The following TCERG1L variants were observed in gnomAD, a reference collection of about 807,000 sequenced individuals.
The protein encoded by TCERG1L is transcription elongation regulator 1 like, also known as transcription elongation regulator 1-like protein.
In TCERG1L, 37 loss-of-function variants were observed where a neutral mutation model predicts 56.3. The ratio of observed to expected loss-of-function variants is 0.66; its 90% CI spans 0.51 to 0.87. The LOEUF is 0.87. TCERG1L is among the 40% of genes least tolerant of loss of function. The pLI, the probability that TCERG1L is intolerant of heterozygous loss-of-function variation, is 0.00. For synonymous variants in TCERG1L, 324 were observed against 326.3 expected (o/e 0.99, Z 0.08); for missense variants, 799 against 774.2 (o/e 1.03, Z -0.38).
rs555282217 is a variant in TCERG1L at position 131,202,513 on chromosome 10, G to A, written c.857-35628C>T. 1.6e-3 allele frequency among the ~76,000 whole-genome samples: 245 copies of A among 152,208 alleles called. 1 individual carries two copies. Among genetic ancestry groups the A allele is most frequent in the African/African-American group, 5.4e-3 (224 of 41,542 alleles). On this transcript the variant is annotated intron_variant, in intron 4 of 11. Transcript: ENST00000368642. ...GGAGAATCCCTTGAACCTGGGAGGC[G>A]GAGGTTGCAGTAAGACAAGATCATG...
At chr10:131,237,953 C>G (rs1845930795) in intron 4 of TCERG1L, among the ~76,000 whole-genome samples, 1 of 152,240 alleles carries the variant, frequency 6.6e-6, no homozygotes. Flanking sequence ...TTTAAACAAC[C>G]TTTCTGCCTG....
At chr10:131,184,556 G>A (rs967669065) in intron 4 of TCERG1L, among the ~76,000 whole-genome samples, 5 of 152,188 alleles carry the variant, frequency 3.3e-5, no homozygotes, top group African/African-American at 9.6e-5. Context: ...AGTCAGCGAG[G>A]GATCCCACTA....
intron 3 of TCERG1L, among the ~76,000 whole-genome samples, chr10:131,261,771 T>G (rs1846239027): frequency 6.6e-6 from 1 of 152,116 alleles, no homozygotes; most frequent in African/African-American, 2.4e-5. Context: ...TCATTCTTCT[T>G]GTTGATTTTC....
rs568559735 is a variant in TCERG1L at position 131,204,255 on chromosome 10, C to A, written c.857-37370G>T. On this transcript the variant is annotated intron_variant, in intron 4 of 11. Coordinates refer to ENST00000368642, the MANE Select transcript of TCERG1L (RefSeq NM_174937.4). ...GTCCTGGACTTTCCATTCTCCAGAC[C>A]TGTAAGAAAAGCATTTCTCATCTCT... Among the ~76,000 whole-genome samples the A allele has an allele frequency of 2.6e-5, 4 of 152,342 alleles. No homozygotes were observed. In the East Asian group the frequency reaches 7.7e-4, roughly 29 times the overall value.
chr10:131,279,606 G>A (rs1467063099), intron 3 of TCERG1L, among the ~76,000 whole-genome samples: 2 of 152,178 alleles, frequency 1.3e-5, no homozygotes, highest in Admixed American at 6.5e-5. Context: ...AGAAGACCAT[G>A]GGCCATGCTG....
At chr10:131,169,358 C>A (rs1235268618) in intron 4 of TCERG1L, among the ~76,000 whole-genome samples, 1 of 152,144 alleles carries the variant, frequency 6.6e-6, no homozygotes, top group Non-Finnish European at 1.5e-5. Flanking sequence ...CCAGAAGCAG[C>A]CCCCTGACTG....
Position 131,146,638 on chromosome 10 carries a change from C to A in TCERG1L, c.1057G>T (p.Asp353Tyr). The change falls in exon 7 of 12, where the codon GAC becomes TAC. Residue 353 changes from aspartate (D) to tyrosine (Y), a missense_variant. By Grantham distance (160) the Asp-to-Tyr change is radical. Transcript: ENST00000368642. Reference protein sequence around the residue: ...SPWCVVWTGDDRVFFFNPTMH... With the variant: ...SPWCVVWTGDYRVFFFNPTMH... ...GTTGGGTTGAAGAAGAAAACTCGGTCATCGCCCGTCCAGACCACACACCTG... is the reference window on the plus strand; with the variant it reads ...GTTGGGTTGAAGAAGAAAACTCGGTAATCGCCCGTCCAGACCACACACCTG... 6.2e-7 allele frequency: 1 copy of A among 1,613,678 alleles called. No individual in the cohort carries two copies. The highest frequency in any genetic ancestry group is 1.1e-5 in the South Asian group (1 of 91,000).
At chr10:131,165,081 G>C (rs2133433809) in intron 5 of TCERG1L, among the ~76,000 whole-genome samples, 1 of 152,350 alleles carries the variant, frequency 6.6e-6, no homozygotes, top group Middle Eastern at 3.4e-3. Context: ...TCGCGTGTCT[G>C]TAAGAGACAA....
At chr10:131,279,985 G>A (rs922103219) in intron 3 of TCERG1L, among the ~76,000 whole-genome samples, 12 of 152,116 alleles carry the variant, frequency 7.9e-5, no homozygotes, top group Non-Finnish European at 1.3e-4. Context: ...ACACCCTTTC[G>A]TGAGCCCCGA....
At chr10:131,261,265 G>A (rs571867797) in intron 3 of TCERG1L, among the ~76,000 whole-genome samples, 1 of 152,354 alleles carries the variant, frequency 6.6e-6, no homozygotes, top group East Asian at 1.9e-4. Context: ...TATCTAAGAA[G>A]TATTTTGTAG....
In TCERG1L at chr10:131,308,315, T is replaced by C. The variant is rs777213874; in HGVS notation, c.566A>G (p.Glu189Gly). 6.8e-6 allele frequency: 11 copies of C among 1,613,986 alleles called. No homozygotes were observed. In the South Asian group the frequency reaches 1.1e-4, roughly 16 times the overall value. The change falls in exon 3 of 12, where the codon GAA becomes GGA. Residue 189 changes from glutamate (E) to glycine (G), a missense_variant. By Grantham distance (98) the Glu-to-Gly change is moderately conservative. Transcript: ENST00000368642. ...TTGATTTGCCAGCAAACGAGGCTTT[T>C]CATGCCCATGGAAAAACCTTGACTC... ...PEESRFFHGH[E>G]KPRLLANQVA...
rs1057451879 is a variant in TCERG1L, at chr10:131,118,437, G to A, written c.1260-1503C>T. ...TCCCCAAGCTCCACTGAACTTCTCA[G>A]TAGGCCTAGGATTCTGAACTTCATG... On this transcript the variant is annotated intron_variant, in intron 8 of 11. Coordinates refer to ENST00000368642, the MANE Select transcript of TCERG1L (RefSeq NM_174937.4). This position sits in a 1 kb window ranked among gnomAD's most constrained non-coding sequence, Gnocchi z 4.2. 1.3e-5 allele frequency among the ~76,000 whole-genome samples: 2 copies of A among 152,122 alleles called. No individual in the cohort carries two copies. The highest frequency in any genetic ancestry group is 4.8e-5 in the African/African-American group (2 of 41,432).
At chr10:131,187,254 A>G (rs988153206) in intron 4 of TCERG1L, among the ~76,000 whole-genome samples, 5 of 152,244 alleles carry the variant, frequency 3.3e-5, no homozygotes, top group African/African-American at 1.2e-4. Context: ...CTCCTGGTGC[A>G]TGATGGTCTA....
chr10:131,272,778 C>T (rs1416609225), intron 3 of TCERG1L, among the ~76,000 whole-genome samples: 1 of 152,232 alleles, frequency 6.6e-6, no homozygotes, highest in Non-Finnish European at 1.5e-5. Context: ...GCTGCCCACC[C>T]TGCCGGGATG....
chr10:131,284,697 T>C (rs911995638), intron 3 of TCERG1L, among the ~76,000 whole-genome samples: 7 of 152,034 alleles, frequency 4.6e-5, no homozygotes, highest in South Asian at 2.1e-4. Context: ...CAAAACTATA[T>C]ATTAAAAAAG....
intron 8 of TCERG1L, among the ~76,000 whole-genome samples, chr10:131,133,701 G>T (rs576490211): frequency 6.6e-6 from 1 of 152,238 alleles, no homozygotes; most frequent in South Asian, 2.1e-4. Context: ...CACAGGCAAG[G>T]CAGGGCAGAC....
At chr10:131,200,361 C>T (rs546266947) in intron 4 of TCERG1L, among the ~76,000 whole-genome samples, 99 of 152,316 alleles carry the variant, frequency 6.5e-4, no homozygotes, top group African/African-American at 2.3e-3. Flanking sequence ...CCACTCCACC[C>T]CAAGGAGTGT....
chr10:131,115,354 A>AGCAGGAGGAGG (rs1461523920), intron 9 of TCERG1L, among the ~76,000 whole-genome samples: 1 of 152,258 alleles, frequency 6.6e-6, no homozygotes, highest in Non-Finnish European at 1.5e-5. Flanking sequence ...TCATGCCAAG[A>AGCAGGAGGAGG]GCAGGAGGAG....
intron 4 of TCERG1L, among the ~76,000 whole-genome samples, chr10:131,257,628 A>G (rs1016472703): frequency 1.3e-4 from 20 of 152,116 alleles, no homozygotes; most frequent in Admixed American, 1.3e-3. Flanking sequence ...GCCACTACCT[A>G]TACTTTGGGC....
Sources: allele counts gnomAD v4.1 joint callset (sites outside exome capture counted in the v4.1 genomes callset), GRCh38; gene constraint gnomAD v4.1.1; non-coding constraint Gnocchi (gnomAD v3.1); transcripts MANE v1.5; gene names NCBI Gene and HGNC (gene_info 2026-07-23, HGNC 2026-07-21).